Variants in KIF18A observed in about 807,000 individuals in gnomAD.
KIF18A encodes kinesin family member 18A, also known as kinesin-like protein KIF18A.
A neutral mutation model predicts 103.3 loss-of-function variants in KIF18A; 67 were observed. That is an observed-to-expected ratio of 0.65 (90% CI 0.53 to 0.79). The LOEUF (loss-of-function observed/expected upper bound fraction) is 0.79. Ranked by LOEUF, KIF18A falls within the 30% of genes least tolerant of loss-of-function variation. The pLI, the probability that KIF18A is intolerant of heterozygous loss-of-function variation, is 0.00. For missense variants in KIF18A, 1,032 were observed against 1,062.5 expected (o/e 0.97, Z 0.40); for synonymous variants, 367 against 355.5 (o/e 1.03, Z -0.36).
chr11:28,034,254 T>G (rs1349944571), intron 15 of KIF18A, among the ~76,000 whole-genome samples: 1 of 151,774 alleles, frequency 6.6e-6, no homozygotes, highest in Non-Finnish European at 1.5e-5. Flanking sequence ...TCCCATGATG[T>G]TTTTTTCTCT....
intron 13 of KIF18A, among the ~76,000 whole-genome samples, chr11:28,044,527 A>G (rs1433527674): frequency 6.6e-6 from 1 of 152,100 alleles, no homozygotes; most frequent in Non-Finnish European, 1.5e-5. Flanking sequence ...AAAAAACTGA[A>G]AGTATGCGTT....
intron 13 of KIF18A, among the ~76,000 whole-genome samples, chr11:28,052,568 A>T (rs1850724584): frequency 6.6e-6 from 1 of 151,978 alleles, no homozygotes; most frequent in African/African-American, 2.4e-5. Flanking sequence ...TATCAGTGAG[A>T]TCCTCCCTGA....
At chr11:28,063,107 A>T (rs74930417) in intron 11 of KIF18A, among the ~76,000 whole-genome samples, 14 of 152,066 alleles carry the variant, frequency 9.2e-5, no homozygotes, top group Admixed American at 7.2e-4. Flanking sequence ...CATATGGTTG[A>T]TATCACCTTT....
intron 13 of KIF18A, among the ~76,000 whole-genome samples, chr11:28,051,581 G>A (rs1850713137): frequency 6.6e-6 from 1 of 151,852 alleles, no homozygotes; most frequent in Admixed American, 6.6e-5. Flanking sequence ...AGATCCCGAA[G>A]GCAGTAAGAG....
Position 28,091,425 on chromosome 11 carries a change from C to A in KIF18A, c.572G>T (p.Gly191Val), listed in dbSNP as rs1271899231. The A allele has an allele frequency of 1.4e-5, 23 of 1,595,866 alleles. No individual in the cohort carries two copies. The highest frequency in any genetic ancestry group is 1.8e-5 in the Non-Finnish European group (21 of 1,164,592). ...EDTQKGVVVHGLTLHQPKSSE... is the reference protein window; with the variant it reads ...EDTQKGVVVHVLTLHQPKSSE... ...TATACATACCTGGTGTAAAGTAAGTCCATGAACGACCACCCCTTTTTGGGT... is the reference window on the plus strand; with the variant it reads ...TATACATACCTGGTGTAAAGTAAGTACATGAACGACCACCCCTTTTTGGGT... The change falls in exon 4 of 17, where the codon GGA (glycine) becomes GTA (valine). Residue 191 changes from glycine to valine, a missense_variant. Transcript: ENST00000263181.
intron 10 of KIF18A, chr11:28,076,721 G>A (rs951365132): frequency 1.2e-5 from 2 of 168,038 alleles, no homozygotes; most frequent in Non-Finnish European, 2.5e-5. Flanking sequence ...ATCACCTGAA[G>A]TCAGGAGTTC....
At chr11:28,091,927 T>C (rs1019356101) in intron 3 of KIF18A, among the ~76,000 whole-genome samples, 4 of 152,188 alleles carry the variant, frequency 2.6e-5, no homozygotes, top group Admixed American at 2.6e-4. Flanking sequence ...ACCATTCTGC[T>C]GCCTCAGCCT....
chr11:28,043,258 G>A (rs1441581441), intron 13 of KIF18A, among the ~76,000 whole-genome samples: 1 of 151,858 alleles, frequency 6.6e-6, no homozygotes, highest in Non-Finnish European at 1.5e-5. Context: ...AGATACTCTT[G>A]GGCAAAGGGG....
At chr11:28,043,630 TA>T (rs36163975) in intron 13 of KIF18A, among the ~76,000 whole-genome samples, 28 of 151,394 alleles carry the variant, frequency 1.8e-4, no homozygotes, top group South Asian at 4.2e-4. Flanking sequence ...TTTGATGATA[TA>T]AAAAAATGTT....
intron 6 of KIF18A, 141 bp downstream of exon 6, chr11:28,088,383 T>C (rs893934369): frequency 1.6e-6 from 1 of 641,310 alleles, no homozygotes; most frequent in Non-Finnish European, 2.6e-6. Flanking sequence ...TCTGAGGTCT[T>C]TGATCTATAT....
In KIF18A at chr11:28,107,293, T is replaced by C. The variant is rs775455431; in HGVS notation, c.-47+771A>G. 3.3e-5 allele frequency among the ~76,000 whole-genome samples: 5 copies of C among 152,174 alleles called. No individual in the cohort carries two copies. In the South Asian group the frequency reaches 8.3e-4, roughly 25 times the overall value. The stretch of plus-strand genomic sequence containing the variant: ...CTATATATTATACCACAAAATCAGT[T>C]CATTCTGGTCAAATACTCTCTTCTC... On this transcript the variant is annotated intron_variant, in intron 1 of 16. Coordinates refer to ENST00000263181, the MANE Select transcript of KIF18A (RefSeq NM_031217.4).
chr11:28,097,981 C>T lies in KIF18A; in HGVS notation c.-34G>A. On this transcript the variant is annotated 5_prime_UTR_variant, in exon 2 of 17. Coordinates refer to ENST00000263181, the MANE Select transcript of KIF18A (RefSeq NM_031217.4). ...ATCTTGATTCCTATCTGTATAAATA[C>T]TTGAATACTTCTCTGAAATTAAAAA... 7.2e-7 allele frequency: 1 copy of T among 1,396,358 alleles called. No homozygotes were observed. The highest frequency in any genetic ancestry group is 9.7e-7 in the Non-Finnish European group (1 of 1,031,200). The allele number at this position is 1,396,358 out of a possible 1,614,324, so 86.5% of individuals were successfully genotyped here. A position where few individuals can be genotyped will look rare whatever the true frequency, so the allele number is the denominator to read the frequency against.
chr11:28,101,829 T>A lies in KIF18A; in HGVS notation c.-46-3836A>T, dbSNP rs543512836. 4.6e-5 allele frequency among the ~76,000 whole-genome samples: 7 copies of A among 152,172 alleles called. No homozygotes were observed. The East Asian group carries it at 1.4e-3, about 29-fold the overall frequency. Reference sequence around the variant, plus strand: ...ATTTAAGTAACATTCCAGGGAGAAATTTGGACAATTACCTAAAGGAATGAG... The same window carrying A: ...ATTTAAGTAACATTCCAGGGAGAAAATTGGACAATTACCTAAAGGAATGAG... On this transcript the variant is annotated intron_variant, in intron 1 of 16. Coordinates refer to ENST00000263181, the MANE Select transcript of KIF18A (RefSeq NM_031217.4).
At position 28,077,092 on chromosome 11, in the gene KIF18A, A is replaced by C. The variant is rs1312421906; in HGVS notation, c.1340T>G (p.Leu447Arg). 1 of 1,577,876 alleles carries C rather than the reference A, an allele frequency of 6.3e-7. No homozygotes were observed. Among genetic ancestry groups the C allele is most frequent in the South Asian group, 1.2e-5 (1 of 85,350 alleles). ...GAATGATTTAAGTTCATTTTCTTTA[A>C]GTAACATTTCCAACTTCAGATATTC... The part of the protein sequence containing the change: ...RQEYLKLEML[L>R]KENELKSFYQ... Residue 447 changes from leucine (L) to arginine (R), a missense_variant, in exon 10 of 17, where the codon CTT (leucine) becomes CGT (arginine). By Grantham distance (102) the Leu-to-Arg change is moderately radical (BLOSUM62 -2). Coordinates refer to ENST00000263181, the MANE Select transcript of KIF18A (RefSeq NM_031217.4).
intron 11 of KIF18A, among the ~76,000 whole-genome samples, chr11:28,063,752 G>C (rs1331855851): frequency 6.6e-6 from 1 of 151,810 alleles, no homozygotes; most frequent in Non-Finnish European, 1.5e-5. Flanking sequence ...CATATGCAGG[G>C]GAGCTATGCC....
intron 15 of KIF18A, among the ~76,000 whole-genome samples, chr11:28,028,501 C>T (rs1318723380): frequency 3.3e-5 from 5 of 151,960 alleles, no homozygotes; most frequent in Non-Finnish European, 5.9e-5. Context: ...ACATGACATA[C>T]CAGAATCTCT....
intron 10 of KIF18A, among the ~76,000 whole-genome samples, chr11:28,075,150 T>C (rs1307445472): frequency 6.6e-6 from 1 of 152,174 alleles, no homozygotes; most frequent in Non-Finnish European, 1.5e-5. Context: ...TGTATGACTT[T>C]TCTTCTTGTT....
At chr11:28,056,858 GA>G in intron 13 of KIF18A, 2 of 263,496 alleles carry the variant, frequency 7.6e-6, no homozygotes, top group South Asian at 4.0e-5. Flanking sequence ...GGACACATTT[GA>G]GCCAAATGTC....
intron 6 of KIF18A, among the ~76,000 whole-genome samples, chr11:28,086,328 T>C (rs372164903): frequency 1.4e-4 from 22 of 152,296 alleles, no homozygotes; most frequent in African/African-American, 5.1e-4. Context: ...ATAATTACAA[T>C]GTTACAGACA....
Sources: allele counts gnomAD v4.1 joint callset (sites outside exome capture counted in the v4.1 genomes callset), GRCh38; gene constraint gnomAD v4.1.1; transcripts MANE v1.5; gene names NCBI Gene and HGNC (gene_info 2026-07-23, HGNC 2026-07-21).